IQCF1: variants seen among roughly 807,000 people sequenced by gnomAD.
IQCF1 encodes the protein IQ domain-containing protein F1.
Under a neutral mutation model 12.5 loss-of-function variants are expected in IQCF1, and 9 were observed. The ratio of observed to expected loss-of-function variants is 0.72; its 90% CI spans 0.43 to 1.26. The LOEUF (loss-of-function observed/expected upper bound fraction) is 1.26, where lower values mean the gene tolerates loss of function less well. Ranked by LOEUF, IQCF1 falls within the 50% of genes most tolerant of loss-of-function variation. The pLI, the probability that IQCF1 is intolerant of heterozygous loss-of-function variation, is 0.00. For synonymous variants in IQCF1, 67 were observed against 96.2 expected (o/e 0.70, Z 1.78); for missense variants, 252 against 257.4 (o/e 0.98, Z 0.14).
chr3:51,902,924 G>T (rs1319792824), intron 2 of IQCF1, 61 bp downstream of exon 2: 2 of 1,212,422 alleles, frequency 1.6e-6, no homozygotes, highest in African/African-American at 1.5e-5. Flanking sequence ...CCATGCAAAA[G>T]ACACTAGCTA....
chr3:51,898,244 CAA>C (rs924965406), intron 2 of IQCF1, among the ~76,000 whole-genome samples: 2 of 75,888 alleles, frequency 2.6e-5, no homozygotes, highest in African/African-American at 5.6e-5. Flanking sequence ...GACAGAAAGA[CAA>C]AGAGGGAGTC....
rs546337572 is a variant in IQCF1, at chr3:51,896,534, A to C, written c.171+298T>G. 2.4e-4 allele frequency among the ~76,000 whole-genome samples: 36 copies of C among 152,308 alleles called. No individual in the cohort carries two copies. In the South Asian group the frequency reaches 7.0e-3, roughly 30 times the overall value. On this transcript the variant is annotated intron_variant, in intron 3 of 3. Coordinates refer to ENST00000310914, the MANE Select transcript of IQCF1 (RefSeq NM_152397.3). ...ATAAATCTCTTCAAATATTTTGCAG[A>C]GTTCAACTCTTTTTTCTTTCCGTCA...
rs144668286 is a variant in IQCF1, at chr3:51,900,576, T to C, written c.108+2409A>G. 4.9e-3 allele frequency among the ~76,000 whole-genome samples: 740 copies of C among 152,288 alleles called. 4 individuals carry two copies. The highest frequency in any genetic ancestry group is 7.5e-3 in the Non-Finnish European group (511 of 68,022). On this transcript the variant is annotated intron_variant, in intron 2 of 3. Transcript: ENST00000310914. This position sits in a 1 kb window ranked among gnomAD's most constrained non-coding sequence, Gnocchi z 4.2. The stretch of plus-strand genomic sequence containing the variant: ...TGGGTATTAGTGAATTGGGACCATT[T>C]AATCCTGGGAGATTTTGATAAAGAC...
Position 51,895,356 on chromosome 3 carries a change from G to A in IQCF1, c.172-20C>T, listed in dbSNP as rs761883140. ...TGGGGGCTTTCAAGAAAAAAAGAGG[G>A]ACCTTCAGAGAATGCTCCCCACTGG... On this transcript the variant is annotated intron_variant, in intron 3 of 3. Transcript: ENST00000310914. The surrounding 1 kb of genome is among the most constrained non-coding windows in gnomAD (Gnocchi z 4.8). 2 of 1,586,716 alleles carry A rather than the reference G, an allele frequency of 1.3e-6. No individual in the cohort carries two copies. The highest frequency in any genetic ancestry group is 1.7e-6 in the Non-Finnish European group (2 of 1,164,584).
In IQCF1 at chr3:51,895,409, G is replaced by T; in HGVS notation, c.172-73C>A. The T allele has an allele frequency of 7.6e-7, 1 of 1,317,780 alleles. No individual in the cohort carries two copies. The highest frequency in any genetic ancestry group is 1.4e-5 in the South Asian group (1 of 70,358). The allele number at this position is 1,317,780 out of a possible 1,614,324, so 81.6% of individuals were successfully genotyped here. ...TCAGCTCTGGGGTGTGCCAGGAAAG[G>T]CCCTGATTCCCTATCAGCAACTGTC... On this transcript the variant is annotated intron_variant, in intron 3 of 3. Transcript: ENST00000310914. The surrounding 1 kb of genome is among the most constrained non-coding windows in gnomAD (Gnocchi z 4.8).
intron 2 of IQCF1, among the ~76,000 whole-genome samples, chr3:51,898,385 C>G (rs1479081702): frequency 6.6e-6 from 1 of 152,152 alleles, no homozygotes; most frequent in Non-Finnish European, 1.5e-5. Flanking sequence ...TATAACAGTC[C>G]AATACCACCT....
Position 51,895,194 on chromosome 3 carries a change from A to G in IQCF1, c.314T>C (p.Ile105Thr). The G allele has an allele frequency of 6.2e-7, 1 of 1,614,180 alleles. No individual in the cohort carries two copies. The highest frequency in any genetic ancestry group is 8.5e-7 in the Non-Finnish European group (1 of 1,180,030). ...ACIIQCWWRLILSKILKKRRQ... is the reference protein window; with the variant it reads ...ACIIQCWWRLTLSKILKKRRQ... ...CCTCTTCTTCAGAATCTTGGACAGT[A>G]TCAGCCGCCACCAGCACTGAATGAT... is the stretch of plus-strand genomic sequence containing the variant. Residue 105 changes from isoleucine (I) to threonine (T), a missense_variant, in exon 4 of 4, where the codon ATA (isoleucine) becomes ACA (threonine). By Grantham distance (89) the Ile-to-Thr change is moderately conservative. Coordinates refer to ENST00000310914, the MANE Select transcript of IQCF1 (RefSeq NM_152397.3). This position sits in a 1 kb window ranked among gnomAD's most constrained non-coding sequence, Gnocchi z 4.8.
In IQCF1 at chr3:51,895,369, T is replaced by C; in HGVS notation, c.172-33A>G. 1 of 1,564,792 alleles carries C rather than the reference T, an allele frequency of 6.4e-7. No homozygotes were observed. The highest frequency in any genetic ancestry group is 8.7e-7 in the Non-Finnish European group (1 of 1,148,230). On this transcript the variant is annotated intron_variant, in intron 3 of 3. Coordinates refer to ENST00000310914, the MANE Select transcript of IQCF1 (RefSeq NM_152397.3). The surrounding 1 kb of genome is among the most constrained non-coding windows in gnomAD (Gnocchi z 4.8). ...GAAAAAAAGAGGGACCTTCAGAGAATGCTCCCCACTGGCTTCAGCTCTGGG... is the reference window on the plus strand; with the variant it reads ...GAAAAAAAGAGGGACCTTCAGAGAACGCTCCCCACTGGCTTCAGCTCTGGG...
chr3:51,897,576 C>T (rs766572304), intron 2 of IQCF1, among the ~76,000 whole-genome samples: 15 of 152,146 alleles, frequency 9.9e-5, no homozygotes, highest in Admixed American at 1.3e-4. Context: ...TAACGCAACG[C>T]GAGCTCTCAG....
chr3:51,902,411 A>C (rs1363254019), intron 2 of IQCF1, among the ~76,000 whole-genome samples: 1 of 152,244 alleles, frequency 6.6e-6, no homozygotes, highest in African/African-American at 2.4e-5. Flanking sequence ...TCAAAGAATC[A>C]GTATGTCAAT....
rs374874105 is a variant in IQCF1, at chr3:51,898,460, A to G, written c.109-1566T>C. On this transcript the variant is annotated intron_variant, in intron 2 of 3. Coordinates refer to ENST00000310914, the MANE Select transcript of IQCF1 (RefSeq NM_152397.3). ...AGGCCACTGACAACCCGTAGCCTTC[A>G]TAACAAAAAAATCCTTAATCCAGTA... is the stretch of plus-strand genomic sequence containing the variant. 4.7e-4 allele frequency among the ~76,000 whole-genome samples: 72 copies of G among 152,356 alleles called. 1 individual carries two copies. Among genetic ancestry groups the G allele is most frequent in the Admixed American group, 3.9e-3 (59 of 15,314 alleles).
At chr3:51,897,301 C>G (rs1391676966) in intron 2 of IQCF1, among the ~76,000 whole-genome samples, 1 of 152,258 alleles carries the variant, frequency 6.6e-6, no homozygotes, top group African/African-American at 2.4e-5. Context: ...CTTCCCCTCC[C>G]TTGTCCAAGT....
intron 3 of IQCF1, among the ~76,000 whole-genome samples, chr3:51,896,430 C>G (rs1699003006): frequency 6.6e-6 from 1 of 152,184 alleles, no homozygotes; most frequent in Admixed American, 6.5e-5. Context: ...CAAGCTGTGC[C>G]TGGACCACCT....
chr3:51,899,187 T>A (rs899958845), intron 2 of IQCF1, among the ~76,000 whole-genome samples: 1 of 151,828 alleles, frequency 6.6e-6, no homozygotes, highest in Non-Finnish European at 1.5e-5. Context: ...GGTTATCATC[T>A]TCGAGGAAAA....
At position 51,895,317 on chromosome 3, in the gene IQCF1, T is replaced by C. The variant is rs780796715; in HGVS notation, c.191A>G (p.Lys64Arg). ...GGCTACCGTATCTTTGTCAGAGAGC[T>C]TCTTTTGGTTTTCTGGGGGCTTTCA... Reference protein sequence around the residue: ...KSEKPPENQKKLSDKDTVATK... With the variant: ...KSEKPPENQKRLSDKDTVATK... The change falls in exon 4 of 4, where the codon AAG becomes AGG. Residue 64 changes from lysine to arginine, a missense_variant. Coordinates refer to ENST00000310914, the MANE Select transcript of IQCF1 (RefSeq NM_152397.3). The surrounding 1 kb of genome is among the most constrained non-coding windows in gnomAD (Gnocchi z 4.8). 2.5e-6 allele frequency: 4 copies of C among 1,586,046 alleles called. No individual in the cohort carries two copies. Among genetic ancestry groups the C allele is most frequent in the Non-Finnish European group, 2.6e-6 (3 of 1,170,266 alleles).
In IQCF1 at chr3:51,895,190, CA is replaced by C; in HGVS notation, c.317del (p.Leu106ArgfsTer5). On this transcript the variant is annotated frameshift_variant, in exon 4 of 4. Coordinates refer to ENST00000310914, the MANE Select transcript of IQCF1 (RefSeq NM_152397.3). LOFTEE classifies it low-confidence loss of function (END_TRUNC). The surrounding 1 kb of genome is among the most constrained non-coding windows in gnomAD (Gnocchi z 4.8). Reference sequence around the variant, plus strand: ...GCCGCCTCTTCTTCAGAATCTTGGACAGTATCAGCCGCCACCAGCACTGAAT... The same window carrying C: ...GCCGCCTCTTCTTCAGAATCTTGGACGTATCAGCCGCCACCAGCACTGAAT... ...CIIQCWWRLI[L>X]SKILKKRRQA... The C allele has an allele frequency of 1.2e-6, 2 of 1,614,236 alleles. No homozygotes were observed. The highest frequency in any genetic ancestry group is 2.7e-5 in the African/African-American group (2 of 75,070).
Position 51,900,141 on chromosome 3 carries a change from T to G in IQCF1, c.108+2844A>C, listed in dbSNP as rs1213062270. Among the ~76,000 whole-genome samples the G allele has an allele frequency of 2.0e-5, 3 of 151,910 alleles. No homozygotes were observed. The highest frequency in any genetic ancestry group is 4.4e-5 in the Non-Finnish European group (3 of 67,984). ...CGGTAAACCAGCACCAGCCTGAAGA[T>G]CACATTCTCATCAAAGGGTGGAAAG... On this transcript the variant is annotated intron_variant, in intron 2 of 3. Transcript: ENST00000310914. The surrounding 1 kb of genome is among the most constrained non-coding windows in gnomAD (Gnocchi z 4.2).
At position 51,903,056 on chromosome 3, in the gene IQCF1, AG is replaced by A; in HGVS notation, c.36del (p.Ser13GlnfsTer17). On this transcript the variant is annotated frameshift_variant, in exon 2 of 4. Coordinates refer to ENST00000310914, the MANE Select transcript of IQCF1 (RefSeq NM_152397.3). LOFTEE classifies it high-confidence loss of function. ...EEKQPQKTKE[P>X]SKEDEPQQKE... is the part of the protein sequence containing the mutation. ...TTCTGCTGAGGCTCATCTTCTTTTG[AG>A]GGTTCCTTCGTCTTTTGGGGCTGCT... 1.2e-6 allele frequency: 2 copies of A among 1,614,064 alleles called. No homozygotes were observed. The highest frequency in any genetic ancestry group is 1.7e-6 in the Non-Finnish European group (2 of 1,180,002).
chr3:51,899,720 A>T (rs1699053003), intron 2 of IQCF1, among the ~76,000 whole-genome samples: 1 of 152,240 alleles, frequency 6.6e-6, no homozygotes, highest in Non-Finnish European at 1.5e-5. Flanking sequence ...AACAAAAATT[A>T]TAAAAGGTTA....
Sources: allele counts gnomAD v4.1 joint callset (sites outside exome capture counted in the v4.1 genomes callset), GRCh38; gene constraint gnomAD v4.1.1; non-coding constraint Gnocchi (gnomAD v3.1); transcripts MANE v1.5; gene names NCBI Gene and HGNC (gene_info 2026-07-23, HGNC 2026-07-21).